Variants in DNAJC1 observed in about 807,000 individuals in gnomAD.
DNAJC1 encodes the protein DnaJ heat shock protein family (Hsp40) member C1.
Under a neutral mutation model 76.6 loss-of-function variants are expected in DNAJC1, and 58 were observed. The observed-to-expected ratio is 0.76, with a 90% CI of 0.61 to 0.94. The LOEUF is 0.94. Among genes scored for constraint, DNAJC1 ranks in the 40% least tolerant of loss-of-function variants. DNAJC1 has a pLI of 0.00. For missense variants in DNAJC1, 689 were observed against 677.3 expected, an observed-to-expected ratio of 1.02 and a Z score of -0.19; for synonymous variants, 258 against 267.9, an observed-to-expected ratio of 0.96 and a Z score of 0.36.
intron 10 of DNAJC1, among the ~76,000 whole-genome samples, chr10:21,761,197 G>A (rs1444981647): frequency 6.6e-6 from 1 of 152,056 alleles, no homozygotes; most frequent in Non-Finnish European, 1.5e-5. Context: ...CAACAAAAAA[G>A]GGGGCAATAT....
chr10:21,987,611 T>C (rs528792597), intron 1 of DNAJC1, among the ~76,000 whole-genome samples: 1 of 152,258 alleles, frequency 6.6e-6, no homozygotes, highest in East Asian at 1.9e-4. Flanking sequence ...ACCCAGGCTG[T>C]TTGAAAAAAA....
At chr10:21,997,632 C>T (rs533359263) in intron 1 of DNAJC1, among the ~76,000 whole-genome samples, 6 of 152,138 alleles carry the variant, frequency 3.9e-5, no homozygotes, top group Non-Finnish European at 8.8e-5. Flanking sequence ...GGAAGTTCCT[C>T]CCAACCATGG....
At chr10:21,930,191 G>C (rs1161316465) in intron 1 of DNAJC1, among the ~76,000 whole-genome samples, 3 of 152,192 alleles carry the variant, frequency 2.0e-5, no homozygotes, top group Non-Finnish European at 4.4e-5. Context: ...GGCCAGGCTG[G>C]TCTCGAACTC....
chr10:21,827,749 A>G (rs1835286242), intron 8 of DNAJC1, among the ~76,000 whole-genome samples: 1 of 152,156 alleles, frequency 6.6e-6, no homozygotes, highest in Non-Finnish European at 1.5e-5. Context: ...CCCAAATAAT[A>G]TCATATTCTG....
chr10:21,762,399 C>A (rs1487845837), intron 10 of DNAJC1, among the ~76,000 whole-genome samples: 1 of 152,124 alleles, frequency 6.6e-6, no homozygotes, highest in Non-Finnish European at 1.5e-5. Context: ...AATTAAAGGT[C>A]TGGCTCCAAA....
intron 1 of DNAJC1, among the ~76,000 whole-genome samples, chr10:21,996,890 A>AT (rs1838423549): frequency 6.6e-6 from 1 of 152,192 alleles, no homozygotes; most frequent in East Asian, 1.9e-4. Flanking sequence ...GATGTATACA[A>AT]TTAAACAAGT....
chr10:21,775,718 T>C (rs986202801), intron 9 of DNAJC1, among the ~76,000 whole-genome samples: 38 of 152,168 alleles, frequency 2.5e-4, no homozygotes, highest in African/African-American at 8.9e-4. Flanking sequence ...CAGCTAGTCA[T>C]TCTATTTTTA....
chr10:21,833,499 A>T (rs548232673), intron 8 of DNAJC1, among the ~76,000 whole-genome samples: 39 of 152,324 alleles, frequency 2.6e-4, no homozygotes, highest in South Asian at 1.0e-3. Context: ...AAATAAATTT[A>T]AAAAAGCATG....
At chr10:21,957,373 ATT>A (rs1837706917) in intron 1 of DNAJC1, among the ~76,000 whole-genome samples, 1 of 151,964 alleles carries the variant, frequency 6.6e-6, no homozygotes, top group African/African-American at 2.4e-5. Context: ...CTATTATCCT[ATT>A]TGTTTTTACT....
intron 1 of DNAJC1, among the ~76,000 whole-genome samples, chr10:21,995,454 C>G (rs570171812): frequency 6.6e-6 from 1 of 152,154 alleles, no homozygotes; most frequent in Admixed American, 6.6e-5. Context: ...AAGGAAATTA[C>G]GTCATTTTAG....
intron 8 of DNAJC1, among the ~76,000 whole-genome samples, chr10:21,815,668 T>C (rs185213940): frequency 8.0e-4 from 122 of 152,272 alleles, no homozygotes; most frequent in African/African-American, 2.8e-3. Context: ...TATCTATTTC[T>C]CTATTTTTTT....
chr10:21,801,030 C>T (rs1834807562), intron 9 of DNAJC1, among the ~76,000 whole-genome samples: 1 of 152,032 alleles, frequency 6.6e-6, no homozygotes, highest in African/African-American at 2.4e-5. Context: ...AACTGTGTCA[C>T]CTTGAACAAA....
chr10:21,889,883 T>A (rs1430926513), intron 7 of DNAJC1, among the ~76,000 whole-genome samples: 5 of 152,102 alleles, frequency 3.3e-5, no homozygotes, highest in Non-Finnish European at 1.5e-5. Flanking sequence ...GTTACCCCCA[T>A]CCCACCACCC....
rs146277626 is a variant in DNAJC1, at chr10:21,772,760, C to T, written c.1099-6451G>A. 2.8e-3 allele frequency among the ~76,000 whole-genome samples: 420 copies of T among 152,106 alleles called. 2 individuals are homozygous for T. Among genetic ancestry groups the T allele is most frequent in the African/African-American group, 9.9e-3 (409 of 41,488 alleles). ...CCATTTCTGCTTGTAATAGTCCGCT[C>T]TCACATGGCTATAAAGAAATGCCTG... is the stretch of plus-strand genomic sequence containing the variant. On this transcript the variant is annotated intron_variant, in intron 9 of 11. Transcript: ENST00000376980.
At chr10:21,975,592 C>T (rs983321584) in intron 1 of DNAJC1, among the ~76,000 whole-genome samples, 3 of 152,198 alleles carry the variant, frequency 2.0e-5, no homozygotes, top group African/African-American at 7.2e-5. Flanking sequence ...GCAAATTGAA[C>T]TGTGCAAGGC....
chr10:21,766,205 G>T (rs1564781154), intron 10 of DNAJC1, 56 bp downstream of exon 10: 1 of 1,236,970 alleles, frequency 8.1e-7, no homozygotes, highest in Non-Finnish European at 1.2e-6. Context: ...TATAAAAAGG[G>T]ATTAATTTAG....
chr10:21,940,295 AAAG>A (rs1837385178), intron 1 of DNAJC1, among the ~76,000 whole-genome samples: 1 of 152,222 alleles, frequency 6.6e-6, no homozygotes, highest in South Asian at 2.1e-4. Context: ...ATATGTTACA[AAAG>A]AAGTAGGGAG....
At chr10:21,996,107 G>A (rs1010377014) in intron 1 of DNAJC1, among the ~76,000 whole-genome samples, 15 of 152,080 alleles carry the variant, frequency 9.9e-5, no homozygotes, top group African/African-American at 3.6e-4. Context: ...ATGATCTAGG[G>A]TCCTGCTTCA....
chr10:21,961,983 C>CT (rs1488657687), intron 1 of DNAJC1, among the ~76,000 whole-genome samples: 1 of 152,126 alleles, frequency 6.6e-6, no homozygotes, highest in African/African-American at 2.4e-5. Flanking sequence ...GGTCCTCCCC[C>CT]TTATCTTCAT....
Sources: allele counts gnomAD v4.1 joint callset (sites outside exome capture counted in the v4.1 genomes callset), GRCh38; gene constraint gnomAD v4.1.1; transcripts MANE v1.5; gene names NCBI Gene and HGNC (gene_info 2026-07-23, HGNC 2026-07-21).